Variants in SCML4 observed in about 807,000 individuals in gnomAD.
SCML4 encodes sex comb on midleg-like protein 4.
A neutral mutation model predicts 41.1 loss-of-function variants in SCML4; 34 were observed. The ratio of observed to expected loss-of-function variants is 0.83; its 90% CI spans 0.63 to 1.10. The LOEUF (loss-of-function observed/expected upper bound fraction) is 1.10. Among genes scored for constraint, SCML4 ranks in the 50% least tolerant of loss-of-function variants. SCML4 has a pLI of 0.00. For synonymous variants in SCML4, 214 were observed against 220.9 expected, an observed-to-expected ratio of 0.97 and a Z score of 0.28; for missense variants, 522 against 534.1, an observed-to-expected ratio of 0.98 and a Z score of 0.22.
intron 2 of SCML4, among the ~76,000 whole-genome samples, chr6:107,770,289 G>A (rs1780415334): frequency 6.6e-6 from 1 of 152,072 alleles, no homozygotes; most frequent in Non-Finnish European, 1.5e-5. Flanking sequence ...GTAGGAAGCA[G>A]ATATTTCAGA....
intron 2 of SCML4, among the ~76,000 whole-genome samples, chr6:107,768,403 C>T (rs35319392): frequency 0.063 from 9,539 of 152,300 alleles, 328 homozygotes; most frequent in Middle Eastern, 0.078. Flanking sequence ...CAATTACCAA[C>T]ATTTTAAGTC....
At chr6:107,811,998 G>A (rs564598106) in intron 1 of SCML4, among the ~76,000 whole-genome samples, 52 of 152,284 alleles carry the variant, frequency 3.4e-4, no homozygotes, top group African/African-American at 1.2e-3. Context: ...GACTTCCAGG[G>A]CAGACGTTCT....
chr6:107,821,223 CTGTTA>C (rs1784920721), intron 1 of SCML4, among the ~76,000 whole-genome samples: 1 of 152,108 alleles, frequency 6.6e-6, no homozygotes, highest in Non-Finnish European at 1.5e-5. Context: ...CTGGTGGCTT[CTGTTA>C]TATGATATCT....
chr6:107,837,851 A>G, the SCML4 span, among the ~76,000 whole-genome samples: 2 of 151,268 alleles, frequency 1.3e-5, no homozygotes, highest in Admixed American at 1.3e-4. Context: ...TTGTATTCCA[A>G]TTGGTATCAT....
At chr6:107,789,969 G>A (rs1404301099) in intron 1 of SCML4, among the ~76,000 whole-genome samples, 1 of 152,208 alleles carries the variant, frequency 6.6e-6, no homozygotes, top group Non-Finnish European at 1.5e-5. Context: ...TACTCCCACC[G>A]TATAGATGGA....
chr6:107,755,947 G>A (rs566968911), intron 2 of SCML4, among the ~76,000 whole-genome samples: 6 of 151,930 alleles, frequency 3.9e-5, no homozygotes, highest in African/African-American at 1.2e-4. Flanking sequence ...GGCCAAATTC[G>A]GACCAAGAGG....
At chr6:107,769,185 G>A (rs906275190) in intron 2 of SCML4, among the ~76,000 whole-genome samples, 1 of 152,200 alleles carries the variant, frequency 6.6e-6, no homozygotes, top group Non-Finnish European at 1.5e-5. Flanking sequence ...GGGCAAGAAG[G>A]GGGCAGTAGC....
intron 1 of SCML4, among the ~76,000 whole-genome samples, chr6:107,789,957 C>G (rs765616194): frequency 2.1e-4 from 32 of 152,292 alleles, no homozygotes; most frequent in Non-Finnish European, 3.5e-4. Flanking sequence ...AATATTATTA[C>G]GTACTCCCAC....
At chr6:107,796,233 T>A (rs1782700337) in intron 1 of SCML4, among the ~76,000 whole-genome samples, 2 of 152,196 alleles carry the variant, frequency 1.3e-5, no homozygotes. Context: ...TATGTTTAAC[T>A]TTATAAAGAA....
At chr6:107,796,320 G>A (rs990684911) in intron 1 of SCML4, among the ~76,000 whole-genome samples, 2 of 152,188 alleles carry the variant, frequency 1.3e-5, no homozygotes, top group South Asian at 4.1e-4. Flanking sequence ...TATCCTGACC[G>A]AAATTGGAGC....
In SCML4 at chr6:107,750,016, C is replaced by T. The variant is rs118096825; in HGVS notation, c.157-203G>A. 5.1e-3 allele frequency among the ~76,000 whole-genome samples: 770 copies of T among 152,290 alleles called. 11 individuals are homozygous for T. The East Asian group carries it at 0.063, about 13-fold the overall frequency. ...GGTCACACTCAGATCACCTCTCATTCCACCCTTTCAGAAGAGCCACCCAGG... is the reference window on the plus strand; with the variant it reads ...GGTCACACTCAGATCACCTCTCATTTCACCCTTTCAGAAGAGCCACCCAGG... On this transcript the variant is annotated intron_variant, in intron 2 of 7. Coordinates refer to ENST00000369020, the MANE Select transcript of SCML4 (RefSeq NM_198081.5).
intron 2 of SCML4, among the ~76,000 whole-genome samples, chr6:107,766,664 C>T (rs1780071910): frequency 6.6e-6 from 1 of 152,210 alleles, no homozygotes; most frequent in African/African-American, 2.4e-5. Flanking sequence ...ACCAGCCTAC[C>T]ACTGCCTCAG....
chr6:107,828,267 C>T (rs1236360121), upstream of SCML4, among the ~76,000 whole-genome samples: 1 of 152,208 alleles, frequency 6.6e-6, no homozygotes, highest in Non-Finnish European at 1.5e-5. Context: ...AGCCCTACCA[C>T]TAACCCAATG....
Position 107,703,906 on chromosome 6 carries a change from AAAG to A in SCML4, c.*1291_*1293del, listed in dbSNP as rs1209862939. Among the ~76,000 whole-genome samples the A allele has an allele frequency of 3.3e-5, 5 of 152,242 alleles. No homozygotes were observed. Among genetic ancestry groups the A allele is most frequent in the Non-Finnish European group, 5.9e-5 (4 of 68,040 alleles). ...GAAGATATGTTTTCTGCTCAGTGTG[AAAG>A]AAGAAGAAGAGAGGTGGAGGGAAAC... On this transcript the variant is annotated 3_prime_UTR_variant, in exon 8 of 8. Coordinates refer to ENST00000369020, the MANE Select transcript of SCML4 (RefSeq NM_198081.5).
In SCML4 at chr6:107,703,047, C is replaced by A. The variant is rs547311445; in HGVS notation, c.*2153G>T. Among the ~76,000 whole-genome samples the A allele has an allele frequency of 1.3e-5, 2 of 152,108 alleles. No homozygotes were observed. The highest frequency in any genetic ancestry group is 6.5e-5 in the Admixed American group (1 of 15,278). On this transcript the variant is annotated 3_prime_UTR_variant, in exon 8 of 8. Transcript: ENST00000369020. ...TGCTATACTACCACCAGTGCCATGA[C>A]GGTTTACAAATGCCATGGCAACATC...
At chr6:107,837,585 G>A in the SCML4 span, among the ~76,000 whole-genome samples, 1 of 152,144 alleles carries the variant, frequency 6.6e-6, no homozygotes, top group African/African-American at 2.4e-5. Flanking sequence ...TCACCCAACA[G>A]CCTAACTGGT....
intron 5 of SCML4, among the ~76,000 whole-genome samples, chr6:107,723,262 C>A (rs1233595129): frequency 6.6e-6 from 1 of 152,108 alleles, no homozygotes; most frequent in Non-Finnish European, 1.5e-5. Flanking sequence ...CATACTCTAC[C>A]ACACATTATA....
Position 107,708,051 on chromosome 6 carries a change from A to G in SCML4, c.974-40T>C, listed in dbSNP as rs753774471. On this transcript the variant is annotated intron_variant, in intron 6 of 7. Coordinates refer to ENST00000369020, the MANE Select transcript of SCML4 (RefSeq NM_198081.5). ...GAGAGGGAGACCATGAGCCAGTGGGACAGGGCCTTGCACCTACCTGGTGCT... is the reference window on the plus strand; with the variant it reads ...GAGAGGGAGACCATGAGCCAGTGGGGCAGGGCCTTGCACCTACCTGGTGCT... 6.5e-6 allele frequency: 10 copies of G among 1,543,948 alleles called. No individual in the cohort carries two copies. In the South Asian group the frequency reaches 8.4e-5, roughly 13 times the overall value.
chr6:107,732,081 T>C (rs1776616226), intron 5 of SCML4: 1 of 152,272 alleles, frequency 6.6e-6, no homozygotes, highest in Admixed American at 6.5e-5. Flanking sequence ...GGCCTTCTGC[T>C]GTGAATCTCT....
Sources: allele counts gnomAD v4.1 joint callset (sites outside exome capture counted in the v4.1 genomes callset), GRCh38; gene constraint gnomAD v4.1.1; transcripts MANE v1.5; gene names NCBI Gene and HGNC (gene_info 2026-07-23, HGNC 2026-07-21).